CASR: variants seen among roughly 807,000 people sequenced by gnomAD.
The protein encoded by CASR is extracellular calcium-sensing receptor.
CASR carries 23 observed loss-of-function variants against 69.1 expected under a neutral mutation model. The ratio of observed to expected loss-of-function variants is 0.33; its 90% confidence interval spans 0.24 to 0.47. The LOEUF (loss-of-function observed/expected upper bound fraction) is 0.47. Among genes scored for constraint, CASR ranks in the 20% least tolerant of loss-of-function variants. CASR has a pLI of 1.00. For synonymous variants in CASR, 541 were observed against 544.7 expected (o/e 0.99, Z 0.10); for missense variants, 924 against 1,356.1 (o/e 0.68, Z 5.00).
intron 1 of CASR, among the ~76,000 whole-genome samples, chr3:122,223,029 G>C (rs1038393830): frequency 4.6e-5 from 7 of 152,098 alleles, no homozygotes; most frequent in African/African-American, 1.2e-4. Flanking sequence ...AATAAGACCA[G>C]ATATACAACA....
intron 5 of CASR, among the ~76,000 whole-genome samples, chr3:122,281,415 CAAAG>C (rs754379233): frequency 8.5e-5 from 13 of 152,302 alleles, no homozygotes; most frequent in Non-Finnish European, 1.3e-4. Context: ...ACCTCCAGTG[CAAAG>C]TTAAAGAGTA....
chr3:122,261,431 C>A (rs1576857730), intron 3 of CASR, 97 bp from the exon 4 acceptor site: 1 of 1,012,114 alleles, frequency 9.9e-7, no homozygotes, highest in Non-Finnish European at 1.6e-6. Flanking sequence ...GAGACCAAGG[C>A]ATGCTCAGAA....
At chr3:122,204,094 C>G (rs1488034621) in intron 1 of CASR, among the ~76,000 whole-genome samples, 1 of 152,040 alleles carries the variant, frequency 6.6e-6, no homozygotes, top group East Asian at 1.9e-4. Flanking sequence ...ATTTTTTAGG[C>G]TAGGACCATT....
intron 1 of CASR, among the ~76,000 whole-genome samples, chr3:122,230,301 G>A (rs1016199739): frequency 6.6e-5 from 10 of 152,208 alleles, no homozygotes; most frequent in African/African-American, 2.4e-4. Context: ...CCAAGTCCAG[G>A]GAAAACGCTC....
chr3:122,237,557 A>G (rs1461673872), intron 1 of CASR, among the ~76,000 whole-genome samples: 1 of 152,260 alleles, frequency 6.6e-6, no homozygotes, highest in African/African-American at 2.4e-5. Flanking sequence ...GTGGAATATT[A>G]TACCGCAGTT....
intron 3 of CASR, among the ~76,000 whole-genome samples, chr3:122,259,184 G>A (rs1028695279): frequency 6.6e-6 from 1 of 151,998 alleles, no homozygotes; most frequent in African/African-American, 2.4e-5. Flanking sequence ...TTATAAATAC[G>A]TTCCTTAAGA....
At chr3:122,208,739 T>C (rs1169380579) in intron 1 of CASR, among the ~76,000 whole-genome samples, 1 of 152,184 alleles carries the variant, frequency 6.6e-6, no homozygotes, top group African/African-American at 2.4e-5. Flanking sequence ...AGACCTGGAA[T>C]GTGTGGAAAG....
Position 122,197,258 on chromosome 3 carries a change from G to A in CASR, c.-243+13446G>A, listed in dbSNP as rs146579616. 2.7e-3 allele frequency among the ~76,000 whole-genome samples: 415 copies of A among 152,278 alleles called. 4 individuals are homozygous for A. The highest frequency in any genetic ancestry group is 9.1e-3 in the African/African-American group (380 of 41,550). ...CAAAACTGAACTTTTGTCTGGTGCT[G>A]TGTGTCCTTGTGTGGCTCCAGTGGG... On this transcript the variant is annotated intron_variant, in intron 1 of 6. Coordinates refer to ENST00000639785, the MANE Select transcript of CASR (RefSeq NM_000388.4).
intron 1 of CASR, among the ~76,000 whole-genome samples, chr3:122,243,330 A>G (rs1325184681): frequency 6.6e-6 from 1 of 152,188 alleles, no homozygotes; most frequent in African/African-American, 2.4e-5. Flanking sequence ...CTATAGGAAA[A>G]ACATCTAATA....
At chr3:122,208,805 T>G (rs1272694197) in intron 1 of CASR, among the ~76,000 whole-genome samples, 1 of 152,218 alleles carries the variant, frequency 6.6e-6, no homozygotes, top group Non-Finnish European at 1.5e-5. Flanking sequence ...GGAACATGCC[T>G]TCCTCATACT....
At chr3:122,229,688 C>A (rs189287184) in intron 1 of CASR, among the ~76,000 whole-genome samples, 1 of 152,214 alleles carries the variant, frequency 6.6e-6, no homozygotes, top group East Asian at 1.9e-4. Context: ...ATGGTGAAAC[C>A]CCACCTCTAC....
At chr3:122,256,553 A>G (rs2074556450) in intron 2 of CASR, among the ~76,000 whole-genome samples, 1 of 152,166 alleles carries the variant, frequency 6.6e-6, no homozygotes, top group South Asian at 2.1e-4. Flanking sequence ...GATTTTGCAT[A>G]ATTAGCTCAT....
At chr3:122,188,956 G>A (rs2073815190) in intron 1 of CASR, among the ~76,000 whole-genome samples, 2 of 152,228 alleles carry the variant, frequency 1.3e-5, no homozygotes, top group African/African-American at 4.8e-5. Flanking sequence ...GATAGTGTTT[G>A]TTGAAAAGCT....
intron 1 of CASR, among the ~76,000 whole-genome samples, chr3:122,225,409 T>C (rs1366797459): frequency 1.3e-5 from 2 of 151,726 alleles, no homozygotes; most frequent in African/African-American, 2.4e-5. Context: ...AAAAAGGACA[T>C]GAACAGACAT....
At chr3:122,245,087 CTT>C (rs748216586) in intron 1 of CASR, among the ~76,000 whole-genome samples, 6 of 152,136 alleles carry the variant, frequency 3.9e-5, no homozygotes, top group Non-Finnish European at 8.8e-5. Context: ...GCTCAAGTCT[CTT>C]ATATAAAATG....
intron 1 of CASR, among the ~76,000 whole-genome samples, chr3:122,227,711 C>T (rs28537948): frequency 0.021 from 3,186 of 152,108 alleles, 113 homozygotes; most frequent in African/African-American, 0.073. Context: ...GTGAGGGCTG[C>T]GAGGGCTGCC....
chr3:122,191,628 G>C (rs747978018), intron 1 of CASR, among the ~76,000 whole-genome samples: 7 of 152,032 alleles, frequency 4.6e-5, no homozygotes, highest in Non-Finnish European at 2.9e-5. Flanking sequence ...TAAAATACTT[G>C]TATATAAAAG....
intron 1 of CASR, among the ~76,000 whole-genome samples, chr3:122,195,605 T>C (rs533374108): frequency 7.9e-5 from 12 of 152,224 alleles, no homozygotes; most frequent in Non-Finnish European, 1.6e-4. Context: ...GCGTTAGGCA[T>C]TATGCTAAAG....
chr3:122,200,380 A>G (rs1455074167), intron 1 of CASR, among the ~76,000 whole-genome samples: 1 of 152,124 alleles, frequency 6.6e-6, no homozygotes, highest in African/African-American at 2.4e-5. Context: ...TGAAAGCAAA[A>G]TAAATACACA....
Sources: gnomAD v4.1 joint callset for allele counts (sites outside exome capture counted in the v4.1 genomes callset) on GRCh38, gnomAD v4.1.1 for gene constraint, MANE v1.5 for transcripts, NCBI Gene and HGNC (gene_info 2026-07-23, HGNC 2026-07-21) for gene names.